Variants in PLEKHG1 observed in about 807,000 individuals in gnomAD.
PLEKHG1 encodes pleckstrin homology and RhoGEF domain containing G1, also known as pleckstrin homology domain-containing family G member 1.
A neutral mutation model predicts 100.8 loss-of-function variants in PLEKHG1; 44 were observed. The ratio of observed to expected loss-of-function variants is 0.44; its 90% CI spans 0.34 to 0.56. PLEKHG1 has a LOEUF of 0.56. PLEKHG1 is among the 20% of genes least tolerant of loss of function. The pLI, the probability that PLEKHG1 is intolerant of heterozygous loss-of-function variation, is 0.01. For synonymous variants in PLEKHG1, 640 were observed against 662.5 expected, an observed-to-expected ratio of 0.97 and a Z score of 0.52; for missense variants, 1,545 against 1,720.9, an observed-to-expected ratio of 0.90 and a Z score of 1.81.
Position 150,795,852 on chromosome 6 carries a change from G to C in PLEKHG1, c.583-4G>C, listed in dbSNP as rs1786298097. On this transcript the variant is annotated splice_region_variant and splice_polypyrimidine_tract_variant and intron_variant, in intron 4 of 15. Transcript: ENST00000358517. ...CTATAAAAATTTCTTTTGTTTCCTTGCAGAGTGAAGAGTTCCACATTTATA... is the reference window on the plus strand; with the variant it reads ...CTATAAAAATTTCTTTTGTTTCCTTCCAGAGTGAAGAGTTCCACATTTATA... The C allele has an allele frequency of 6.3e-7, 1 of 1,588,756 alleles. No individual in the cohort carries two copies. Among genetic ancestry groups the C allele is most frequent in the East Asian group, 2.2e-5 (1 of 44,704 alleles).
chr6:150,619,756 T>C (rs1366631528), intron 1 of PLEKHG1, among the ~76,000 whole-genome samples: 1 of 152,188 alleles, frequency 6.6e-6, no homozygotes, highest in Admixed American at 6.5e-5. Context: ...AAGGTTCTTT[T>C]TTCTTTCACC....
intron 13 of PLEKHG1, 62 bp downstream of exon 14, chr6:150,821,295 C>T: frequency 9.5e-7 from 1 of 1,051,204 alleles, no homozygotes; most frequent in Non-Finnish European, 1.5e-6. Context: ...TCAAACCACA[C>T]AAAAATAAAT....
intron 4 of PLEKHG1, among the ~76,000 whole-genome samples, chr6:150,793,951 G>T (rs1312698263): frequency 1.3e-5 from 2 of 152,214 alleles, no homozygotes; most frequent in South Asian, 4.2e-4. Flanking sequence ...GCATGGTGAC[G>T]CATGCCTGTA....
At chr6:150,700,968 A>G (rs549123318) in intron 3 of PLEKHG1, among the ~76,000 whole-genome samples, 175 of 142,696 alleles carry the variant, frequency 1.2e-3, no homozygotes, top group African/African-American at 4.4e-3. Flanking sequence ...TATTTGGGTT[A>G]TATATTAAAA....
At chr6:150,791,390 G>A (rs1176213737) in intron 4 of PLEKHG1, among the ~76,000 whole-genome samples, 2 of 152,038 alleles carry the variant, frequency 1.3e-5, no homozygotes, top group Non-Finnish European at 2.9e-5. Flanking sequence ...GGCTGGGAGC[G>A]GTGGCTCACA....
chr6:150,624,845 C>G (rs764748202), intron 1 of PLEKHG1: 7 of 152,086 alleles, frequency 4.6e-5, no homozygotes, highest in Non-Finnish European at 7.4e-5. Flanking sequence ...AAATAAAAGC[C>G]TGTGATTTTT....
At chr6:150,650,932 A>G (rs895197196) in intron 3 of PLEKHG1, 146 bp downstream of exon 2, 2 of 152,188 alleles carry the variant, frequency 1.3e-5, no homozygotes, top group Non-Finnish European at 2.9e-5. Flanking sequence ...AGTCCCCCTT[A>G]TCTGTGGGGA....
At chr6:150,636,329 C>T (rs1212625988) in intron 1 of PLEKHG1, among the ~76,000 whole-genome samples, 1 of 152,130 alleles carries the variant, frequency 6.6e-6, no homozygotes, top group Non-Finnish European at 1.5e-5. Context: ...ACACACACAG[C>T]CACACCTTTT....
intron 1 of PLEKHG1, among the ~76,000 whole-genome samples, chr6:150,612,628 C>T (rs961282183): frequency 9.9e-5 from 15 of 152,122 alleles, no homozygotes; most frequent in Admixed American, 2.0e-4. Context: ...CCACCACGCC[C>T]AGCCTGAATG....
chr6:150,735,953 A>G (rs573769838), intron 2 of PLEKHG1, among the ~76,000 whole-genome samples: 117 of 152,364 alleles, frequency 7.7e-4, no homozygotes, highest in Non-Finnish European at 1.3e-3. Flanking sequence ...AGAAATTTCA[A>G]TGTAAGTTCT....
intron 1 of PLEKHG1, among the ~76,000 whole-genome samples, chr6:150,602,177 A>G (rs1776384416): frequency 6.6e-6 from 1 of 152,222 alleles, no homozygotes. Flanking sequence ...TTCGTCAACC[A>G]AAAGCAATTC....
intron 3 of PLEKHG1, among the ~76,000 whole-genome samples, chr6:150,780,786 A>G (rs1785264865): frequency 6.6e-6 from 1 of 152,166 alleles, no homozygotes; most frequent in East Asian, 1.9e-4. Flanking sequence ...TGTTGGCCGA[A>G]GATTCATTTG....
intron 10 of PLEKHG1, among the ~76,000 whole-genome samples, chr6:150,810,285 G>A (rs529449977): frequency 6.7e-6 from 1 of 148,750 alleles, no homozygotes; most frequent in South Asian, 2.1e-4. Context: ...GGGTGACAGG[G>A]TCCAGACAGG....
intron 2 of PLEKHG1, among the ~76,000 whole-genome samples, chr6:150,753,306 T>C (rs1783631852): frequency 6.6e-6 from 1 of 152,070 alleles, no homozygotes; most frequent in Admixed American, 6.6e-5. Context: ...TGGGTGTGTG[T>C]GTGTTGGGAG....
intron 1 of PLEKHG1, among the ~76,000 whole-genome samples, chr6:150,621,142 G>A (rs1267018752): frequency 6.6e-6 from 1 of 152,146 alleles, no homozygotes; most frequent in African/African-American, 2.4e-5. Flanking sequence ...TGTGCTTAGA[G>A]TGGGGCCTGA....
intron 3 of PLEKHG1, among the ~76,000 whole-genome samples, chr6:150,699,729 A>G (rs904425060): frequency 2.0e-5 from 3 of 152,240 alleles, no homozygotes; most frequent in African/African-American, 7.2e-5. Flanking sequence ...AAGTTTAAAC[A>G]ATAATTCGGT....
intron 7 of PLEKHG1, among the ~76,000 whole-genome samples, chr6:150,808,153 G>A (rs932209175): frequency 2.0e-5 from 3 of 152,082 alleles, no homozygotes; most frequent in Non-Finnish European, 4.4e-5. Flanking sequence ...TGCATTGTAT[G>A]CCTGTCAAAA....
intron 2 of PLEKHG1, among the ~76,000 whole-genome samples, chr6:150,642,607 T>C (rs1415014845): frequency 2.0e-5 from 3 of 152,240 alleles, no homozygotes; most frequent in African/African-American, 7.2e-5. Flanking sequence ...TCTTTAATGC[T>C]GTGCCAGCCA....
chr6:150,686,046 C>G (rs1780118592), intron 3 of PLEKHG1, among the ~76,000 whole-genome samples: 2 of 152,230 alleles, frequency 1.3e-5, no homozygotes, highest in Admixed American at 1.3e-4. Flanking sequence ...TTGCTCCTCC[C>G]CCTGTTTCAA....
Sources: gnomAD v4.1 joint callset for allele counts (sites outside exome capture counted in the v4.1 genomes callset) on GRCh38, gnomAD v4.1.1 for gene constraint, MANE v1.5 for transcripts, NCBI Gene and HGNC (gene_info 2026-07-23, HGNC 2026-07-21) for gene names.